GLIS3: variants seen among roughly 807,000 people sequenced by gnomAD.
GLIS3 encodes the protein zinc finger protein GLIS3.
A neutral mutation model predicts 78.6 loss-of-function variants in GLIS3; 53 were observed. That is an observed-to-expected ratio of 0.67 (90% CI 0.54 to 0.85). The LOEUF is 0.85. Ranked by LOEUF, GLIS3 falls within the 40% of genes least tolerant of loss-of-function variation. The pLI is 0.00. For synonymous variants in GLIS3, 684 were observed against 509.9 expected (o/e 1.34, Z -4.60); for missense variants, 1,703 against 1,231.1 (o/e 1.38, Z -5.74).
At chr9:4,092,182 C>T (rs1241936636) in intron 4 of GLIS3, among the ~76,000 whole-genome samples, 4 of 144,526 alleles carry the variant, frequency 2.8e-5, no homozygotes, top group Admixed American at 7.1e-5. Context: ...GACAGAGTCT[C>T]GCTCTGTTGC....
rs569912217 is a variant in GLIS3, at chr9:3,881,274, C to CT, written c.2129-1680dup. On this transcript the variant is annotated intron_variant, in intron 7 of 10. Coordinates refer to ENST00000381971, the MANE Select transcript of GLIS3 (RefSeq NM_001042413.2). ...AGAGATACTATGAAAACACAGCTAA[C>CT]TTTTTTTTTTCCTGCTTCAGTGTAG... is the stretch of plus-strand genomic sequence containing the variant. Among the ~76,000 whole-genome samples the CT allele has an allele frequency of 2.1e-3, 321 of 150,448 alleles. 1 individual carries two copies. In the South Asian group the frequency reaches 0.026, roughly 12 times the overall value.
At chr9:4,317,679 G>A (rs1490325403) in intron 2 of GLIS3, among the ~76,000 whole-genome samples, 1 of 152,088 alleles carries the variant, frequency 6.6e-6, no homozygotes, top group Admixed American at 6.5e-5. Flanking sequence ...GATCACAAAG[G>A]TGGTCTACAG....
At chr9:4,110,733 T>C (rs545361494) in intron 4 of GLIS3, among the ~76,000 whole-genome samples, 3 of 152,276 alleles carry the variant, frequency 2.0e-5, no homozygotes, top group Admixed American at 6.5e-5. Context: ...ACAACAAGCA[T>C]TGTCTTATTG....
chr9:4,013,664 T>C lies in GLIS3; in HGVS notation c.1711-76475A>G, dbSNP rs145049452. On this transcript the variant is annotated intron_variant, in intron 4 of 10. Coordinates refer to ENST00000381971, the MANE Select transcript of GLIS3 (RefSeq NM_001042413.2). ...TTATTGGCTTAAGTTATTCTCTGGG[T>C]AGAAAGTACTAGGCCACCTTTTCTT... 2.5e-3 allele frequency among the ~76,000 whole-genome samples: 386 copies of C among 152,276 alleles called. 2 individuals carry two copies. Among genetic ancestry groups the C allele is most frequent in the Non-Finnish European group, 4.2e-3 (289 of 68,016 alleles).
intron 2 of GLIS3, among the ~76,000 whole-genome samples, chr9:4,202,148 T>G (rs1461774618): frequency 5.9e-5 from 2 of 34,098 alleles, no homozygotes; most frequent in African/African-American, 1.2e-4. Flanking sequence ...TTCTCCCCCT[T>G]TTTCTTTTTT....
At chr9:3,837,844 C>T (rs1384976628) in intron 9 of GLIS3, among the ~76,000 whole-genome samples, 1 of 152,182 alleles carries the variant, frequency 6.6e-6, no homozygotes, top group Non-Finnish European at 1.5e-5. Flanking sequence ...TGCCATTATA[C>T]ATTCGTTAAA....
chr9:4,232,557 G>C (rs556041534), intron 2 of GLIS3, among the ~76,000 whole-genome samples: 1 of 152,142 alleles, frequency 6.6e-6, no homozygotes, highest in South Asian at 2.1e-4. Flanking sequence ...TGAAAATATA[G>C]ATAATAATCT....
At chr9:4,033,266 A>G (rs570549667) in intron 4 of GLIS3, among the ~76,000 whole-genome samples, 3 of 152,208 alleles carry the variant, frequency 2.0e-5, no homozygotes, top group African/African-American at 7.2e-5. Context: ...TCTATCTTAT[A>G]GCATAAAGGG....
At chr9:4,087,634 A>C (rs1464393345) in intron 4 of GLIS3, among the ~76,000 whole-genome samples, 1 of 152,228 alleles carries the variant, frequency 6.6e-6, no homozygotes, top group Non-Finnish European at 1.5e-5. Context: ...TAACACCCAC[A>C]TGAAAAGTTA....
chr9:3,962,954 G>C lies in GLIS3; in HGVS notation c.1711-25765C>G, dbSNP rs976904352. 4.0e-5 allele frequency among the ~76,000 whole-genome samples: 6 copies of C among 151,074 alleles called. No homozygotes were observed. In the East Asian group the frequency reaches 5.8e-4, roughly 15 times the overall value. On this transcript the variant is annotated intron_variant, in intron 4 of 10. Coordinates refer to ENST00000381971, the MANE Select transcript of GLIS3 (RefSeq NM_001042413.2). ...AGATCTGCTGTGATTTAAGGGGGGG[G>C]GGGGGAGAGAGATTTATTGAGGTAT...
chr9:4,051,643 TTTTG>T (rs753493768), intron 4 of GLIS3, among the ~76,000 whole-genome samples: 45 of 152,288 alleles, frequency 3.0e-4, no homozygotes, highest in Non-Finnish European at 4.3e-4. Flanking sequence ...GAAAACTGAG[TTTTG>T]TTTGTTTGTT....
intron 2 of GLIS3, among the ~76,000 whole-genome samples, chr9:4,327,170 G>T (rs986405563): frequency 3.3e-5 from 5 of 152,106 alleles, no homozygotes; most frequent in Admixed American, 2.6e-4. Context: ...AGGTGAGAAG[G>T]GAGAGTGTCC....
the GLIS3 span, among the ~76,000 whole-genome samples, chr9:4,417,162 G>C: frequency 6.6e-6 from 1 of 152,154 alleles, no homozygotes; most frequent in Non-Finnish European, 1.5e-5. Context: ...ATCAAGGGTA[G>C]ACTTTGAAGG....
chr9:4,462,137 G>C, the GLIS3 span, among the ~76,000 whole-genome samples: 1 of 152,064 alleles, frequency 6.6e-6, no homozygotes, highest in Non-Finnish European at 1.5e-5. Context: ...GTCTACTCTA[G>C]GTCTATAAAA....
At chr9:4,297,495 C>G (rs1257440044) in intron 1 of GLIS3, among the ~76,000 whole-genome samples, 2 of 152,168 alleles carry the variant, frequency 1.3e-5, no homozygotes, top group Non-Finnish European at 2.9e-5. Context: ...GAACTTCCCT[C>G]TTCTCACAAA....
At chr9:4,048,496 G>C (rs1825438650) in intron 4 of GLIS3, among the ~76,000 whole-genome samples, 1 of 152,094 alleles carries the variant, frequency 6.6e-6, no homozygotes, top group South Asian at 2.1e-4. Context: ...GAAAAAAAAA[G>C]TAGCTAGCAC....
At chr9:4,191,265 C>T (rs1818309671) in intron 2 of GLIS3, among the ~76,000 whole-genome samples, 1 of 152,116 alleles carries the variant, frequency 6.6e-6, no homozygotes, top group Admixed American at 6.5e-5. Flanking sequence ...CAAGACCCAT[C>T]AGTGTGCTGT....
intron 9 of GLIS3, among the ~76,000 whole-genome samples, chr9:3,843,245 A>G (rs1339463201): frequency 1.3e-5 from 2 of 152,108 alleles, no homozygotes; most frequent in Admixed American, 6.6e-5. Flanking sequence ...TTATTACACA[A>G]ATTTCCAGCA....
intron 6 of GLIS3, among the ~76,000 whole-genome samples, chr9:3,917,925 T>C (rs1824628399): frequency 6.6e-6 from 1 of 152,186 alleles, no homozygotes; most frequent in Non-Finnish European, 1.5e-5. Flanking sequence ...ATCCTATAAC[T>C]GAAAAGAATG....
Sources: gnomAD v4.1 joint callset for allele counts (sites outside exome capture counted in the v4.1 genomes callset) on GRCh38, gnomAD v4.1.1 for gene constraint, MANE v1.5 for transcripts, NCBI Gene and HGNC (gene_info 2026-07-23, HGNC 2026-07-21) for gene names.